Variants in APIP observed in about 807,000 individuals in gnomAD.
APIP encodes the protein methylthioribulose-1-phosphate dehydratase.
In APIP, 32 loss-of-function variants were observed where a neutral mutation model predicts 32.0. That is an observed-to-expected ratio of 1.00 (90% CI 0.76 to 1.34). APIP has a LOEUF of 1.34. Ranked by LOEUF, APIP falls within the 40% of genes most tolerant of loss-of-function variation. The pLI is 0.00. For synonymous variants in APIP, 92 were observed against 94.8 expected (o/e 0.97, Z 0.17); for missense variants, 247 against 298.6 (o/e 0.83, Z 1.27).
In APIP at chr11:34,902,345, A is replaced by G. The variant is rs572749267; in HGVS notation, c.58-7235T>C. Reference sequence around the variant, plus strand: ...TCAAGTTAGGGTCTTGCATTAGTTGATGATATTCTGCTCTGTGCCCCAACT... The same window carrying G: ...TCAAGTTAGGGTCTTGCATTAGTTGGTGATATTCTGCTCTGTGCCCCAACT... On this transcript the variant is annotated intron_variant, in intron 1 of 6. Coordinates refer to ENST00000395787, the MANE Select transcript of APIP (RefSeq NM_015957.4). Among the ~76,000 whole-genome samples the G allele has an allele frequency of 5.3e-5, 8 of 152,274 alleles. No homozygotes were observed. In the South Asian group the frequency reaches 1.7e-3, roughly 32 times the overall value.
chr11:34,900,625 G>T (rs1853357594), intron 1 of APIP, among the ~76,000 whole-genome samples: 1 of 152,118 alleles, frequency 6.6e-6, no homozygotes, highest in Non-Finnish European at 1.5e-5. Context: ...AGTTCTGCAG[G>T]CAGCAGAAAA....
At chr11:34,894,406 G>C (rs888258096) in intron 2 of APIP, among the ~76,000 whole-genome samples, 3 of 144,858 alleles carry the variant, frequency 2.1e-5, no homozygotes, top group Non-Finnish European at 4.5e-5. Flanking sequence ...CAAGGCAGGT[G>C]GGTTGCTTGA....
At chr11:34,895,207 A>G in intron 1 of APIP, 97 bp from the exon 2 acceptor site, 1 of 1,012,944 alleles carries the variant, frequency 9.9e-7, no homozygotes, top group African/African-American at 1.6e-5. Flanking sequence ...AAGAAAGTTT[A>G]AGAAAACATA....
intron 5 of APIP, among the ~76,000 whole-genome samples, chr11:34,884,756 G>A (rs1853032900): frequency 6.6e-6 from 1 of 151,702 alleles, no homozygotes; most frequent in East Asian, 1.9e-4. Context: ...CTTAAATATT[G>A]AAGGAATGAA....
chr11:34,907,922 A>G (rs1218548128), intron 1 of APIP, among the ~76,000 whole-genome samples: 1 of 152,164 alleles, frequency 6.6e-6, no homozygotes, highest in African/African-American at 2.4e-5. Context: ...TCTCCGAGAT[A>G]CTACTCACAG....
chr11:34,883,964 CA>C (rs1853015381), intron 5 of APIP, among the ~76,000 whole-genome samples: 3 of 152,110 alleles, frequency 2.0e-5, no homozygotes, highest in Admixed American at 2.0e-4. Flanking sequence ...CTGAGATAGG[CA>C]AATCAAAAAA....
At chr11:34,904,025 A>T (rs1312047934) in intron 1 of APIP, among the ~76,000 whole-genome samples, 1 of 152,196 alleles carries the variant, frequency 6.6e-6, no homozygotes, top group Non-Finnish European at 1.5e-5. Context: ...AATCCCCTGA[A>T]AATGTGACTC....
chr11:34,903,162 T>C (rs757138985), intron 1 of APIP, among the ~76,000 whole-genome samples: 2 of 152,210 alleles, frequency 1.3e-5, no homozygotes, highest in African/African-American at 2.4e-5. Flanking sequence ...AGCCACCTTC[T>C]TCCCCAAGGA....
intron 1 of APIP, among the ~76,000 whole-genome samples, chr11:34,899,672 TA>T (rs2133915576): frequency 6.6e-6 from 1 of 152,316 alleles, no homozygotes; most frequent in South Asian, 2.1e-4. Flanking sequence ...AAGGGAAATA[TA>T]AGCAGAGGAC....
rs78491760 is a variant in APIP at position 34,883,065 on chromosome 11, T to C, written c.630-249A>G. Among the ~76,000 whole-genome samples the C allele has an allele frequency of 4.6e-5, 7 of 152,364 alleles. No homozygotes were observed. In the East Asian group the frequency reaches 1.3e-3, roughly 29 times the overall value. ...GAGAGTTTAAAATATACTGCCTACA[T>C]AAATTTACATTTTTTTTAAACTAGA... On this transcript the variant is annotated intron_variant, in intron 6 of 6. Transcript: ENST00000395787.
chr11:34,889,770 A>T (rs552001875), intron 3 of APIP, among the ~76,000 whole-genome samples: 1 of 152,086 alleles, frequency 6.6e-6, no homozygotes, highest in Non-Finnish European at 1.5e-5. Context: ...TTCACTTAGG[A>T]TAATGGTTTC....
chr11:34,915,220 C>T (rs1313938968), intron 1 of APIP, among the ~76,000 whole-genome samples: 2 of 152,154 alleles, frequency 1.3e-5, no homozygotes, highest in African/African-American at 2.4e-5. Flanking sequence ...TCTCCATACA[C>T]ACTTGCCCAG....
At chr11:34,897,190 T>A (rs151165335) in intron 1 of APIP, among the ~76,000 whole-genome samples, 187 of 152,352 alleles carry the variant, frequency 1.2e-3, no homozygotes, top group African/African-American at 4.3e-3. Context: ...TGATGACTGA[T>A]GGAGTAAACT....
intron 1 of APIP, among the ~76,000 whole-genome samples, chr11:34,907,312 TC>T (rs1853475128): frequency 6.6e-6 from 1 of 152,164 alleles, no homozygotes; most frequent in Admixed American, 6.5e-5. Flanking sequence ...CCTGCAGTCT[TC>T]CAACCCTTAA....
At chr11:34,909,950 T>C (rs1047609685) in intron 1 of APIP, among the ~76,000 whole-genome samples, 5 of 152,180 alleles carry the variant, frequency 3.3e-5, no homozygotes, top group Non-Finnish European at 7.4e-5. Context: ...ATGACTTCTA[T>C]TGTCTTCAGT....
At chr11:34,907,852 T>C (rs886919195) in intron 1 of APIP, among the ~76,000 whole-genome samples, 3 of 152,202 alleles carry the variant, frequency 2.0e-5, no homozygotes, top group Non-Finnish European at 2.9e-5. Context: ...CAAGTTTTGA[T>C]TTGGTATTAA....
chr11:34,900,151 C>T (rs1481177985), intron 1 of APIP, among the ~76,000 whole-genome samples: 1 of 152,166 alleles, frequency 6.6e-6, no homozygotes, highest in African/African-American at 2.4e-5. Flanking sequence ...ACTGAGGTCC[C>T]CTATGTATAG....
At chr11:34,909,562 T>C (rs1853511453) in intron 1 of APIP, among the ~76,000 whole-genome samples, 2 of 152,040 alleles carry the variant, frequency 1.3e-5, no homozygotes, top group South Asian at 2.1e-4. Flanking sequence ...AGGTTTTGTG[T>C]TGAGAGAGGC....
chr11:34,883,694 G>A (rs1853011606), intron 5 of APIP, among the ~76,000 whole-genome samples, 190 bp from the exon 6 acceptor site: 2 of 152,108 alleles, frequency 1.3e-5, no homozygotes, highest in African/African-American at 4.8e-5. Flanking sequence ...AAGGTACCTT[G>A]GGAATGTGGC....
Sources: gnomAD v4.1 joint callset for allele counts (sites outside exome capture counted in the v4.1 genomes callset) on GRCh38, gnomAD v4.1.1 for gene constraint, MANE v1.5 for transcripts, NCBI Gene and HGNC (gene_info 2026-07-23, HGNC 2026-07-21) for gene names.